Variants in PKHD1 observed in about 807,000 individuals in gnomAD.
The protein encoded by PKHD1 is PKHD1 ciliary IPT domain containing fibrocystin/polyductin, also known as fibrocystin.
PKHD1 carries 291 observed loss-of-function variants against 412.0 expected under a neutral mutation model. The ratio of observed to expected loss-of-function variants is 0.71; its 90% confidence interval spans 0.64 to 0.78. The LOEUF (loss-of-function observed/expected upper bound fraction) is 0.78. PKHD1 is among the 30% of genes least tolerant of loss of function. PKHD1 has a pLI of 0.00. For missense variants in PKHD1, 4,825 were observed against 4,950.7 expected, an observed-to-expected ratio of 0.97 and a Z score of 0.76; for synonymous variants, 1,777 against 1,821.5, an observed-to-expected ratio of 0.98 and a Z score of 0.62.
At chr6:51,951,374 T>C (rs1032699728) in intron 36 of PKHD1, among the ~76,000 whole-genome samples, 1 of 152,132 alleles carries the variant, frequency 6.6e-6, no homozygotes, top group Admixed American at 6.6e-5. Context: ...GTACCAAGCA[T>C]GTAAAAATCC....
intron 50 of PKHD1, among the ~76,000 whole-genome samples, chr6:51,840,293 T>A (rs1769948734): frequency 6.6e-6 from 1 of 152,094 alleles, no homozygotes; most frequent in Non-Finnish European, 1.5e-5. Context: ...TTGGCCCTCA[T>A]AAAACATGAT....
chr6:51,722,382 G>A (rs9474059), intron 60 of PKHD1, among the ~76,000 whole-genome samples: 28,517 of 152,068 alleles, frequency 0.19, 3,011 homozygotes, highest in African/African-American at 0.29. Flanking sequence ...TTATATAAAC[G>A]AAAGTTTGCA....
rs558052883 is a variant in PKHD1, at chr6:51,938,538, T to C, written c.5909-4216A>G. Among the ~76,000 whole-genome samples, 6 of 125,798 alleles carry C rather than the reference T, an allele frequency of 4.8e-5. No homozygotes were observed. The South Asian group carries it at 1.8e-3, about 37-fold the overall frequency. 82.5% of individuals were successfully genotyped at this position (125,798 alleles called of 152,430 possible). ...CAGAGAACAACCCCCCTTTTTCCTT[T>C]ACCTCCCCAAATCTTATAAGATGGC... On this transcript the variant is annotated intron_variant, in intron 36 of 66. Coordinates refer to ENST00000371117, the MANE Select transcript of PKHD1 (RefSeq NM_138694.4).
At chr6:51,835,783 A>G (rs974050282) in intron 51 of PKHD1, among the ~76,000 whole-genome samples, 2 of 152,196 alleles carry the variant, frequency 1.3e-5, no homozygotes, top group African/African-American at 4.8e-5. Flanking sequence ...TCATTTTCTG[A>G]TTAGCATGGG....
At chr6:52,074,678 T>C (rs1362945047) in intron 6 of PKHD1, among the ~76,000 whole-genome samples, 1 of 152,160 alleles carries the variant, frequency 6.6e-6, no homozygotes, top group Non-Finnish European at 1.5e-5. Context: ...GGGGATTCCA[T>C]GTCGTAGTGA....
chr6:51,901,451 A>G (rs1368421170), intron 43 of PKHD1, among the ~76,000 whole-genome samples: 1 of 152,058 alleles, frequency 6.6e-6, no homozygotes, highest in African/African-American at 2.4e-5. Flanking sequence ...ATTCTCACTC[A>G]AAGGTGGGAA....
At chr6:51,939,122 C>T (rs940466428) in intron 36 of PKHD1, among the ~76,000 whole-genome samples, 5 of 151,504 alleles carry the variant, frequency 3.3e-5, no homozygotes, top group African/African-American at 1.2e-4. Context: ...TGGTCCTTCA[C>T]CCTTAGCAGC....
intron 33 of PKHD1, among the ~76,000 whole-genome samples, chr6:52,019,271 A>G (rs1267761625): frequency 6.6e-6 from 1 of 152,230 alleles, no homozygotes; most frequent in African/African-American, 2.4e-5. Context: ...TCCCCGCCTC[A>G]TTACAGTGCT....
chr6:52,048,281 G>A (rs1896982), intron 23 of PKHD1, among the ~76,000 whole-genome samples: 8 of 152,166 alleles, frequency 5.3e-5, no homozygotes, highest in East Asian at 1.9e-4. Context: ...TACATCTTCC[G>A]CATCTACAAA....
At chr6:51,951,500 A>G (rs1470153436) in intron 36 of PKHD1, among the ~76,000 whole-genome samples, 1 of 152,156 alleles carries the variant, frequency 6.6e-6, no homozygotes, top group Non-Finnish European at 1.5e-5. Flanking sequence ...TCTCTAAGCA[A>G]CTTGTTTTTT....
In PKHD1 at chr6:51,659,584, A is replaced by G. The variant is rs1232537845; in HGVS notation, c.10542T>C (p.Phe3514=). 1 of 1,613,672 alleles carries G rather than the reference A, an allele frequency of 6.2e-7. No homozygotes were observed. Among genetic ancestry groups the G allele is most frequent in the Admixed American group, 1.7e-5 (1 of 59,876 alleles). The change falls in exon 61 of 67, where the codon TTT becomes TTC. Residue 3514 remains phenylalanine (F), a synonymous_variant. Coordinates refer to ENST00000371117, the MANE Select transcript of PKHD1 (RefSeq NM_138694.4). ...QSPHVFLGES[F]IPPTLVQSAS... is the part of the protein sequence containing the mutation. ...CTGACTGAACCAGAGTGGGTGGAAT[A>G]AAACTTTCCCCTAAGAAGACGTGGG...
At chr6:51,844,565 G>A (rs1205409833) in intron 50 of PKHD1, among the ~76,000 whole-genome samples, 3 of 152,210 alleles carry the variant, frequency 2.0e-5, no homozygotes, top group Admixed American at 6.5e-5. Flanking sequence ...ACAGCCAGGA[G>A]CTAGAATGCC....
At chr6:51,661,449 GA>G (rs1772855738) in intron 60 of PKHD1, among the ~76,000 whole-genome samples, 1 of 152,082 alleles carries the variant, frequency 6.6e-6, no homozygotes, top group Non-Finnish European at 1.5e-5. Flanking sequence ...TAAAATTGAA[GA>G]GGTGTGTCTG....
At position 52,033,114 on chromosome 6, in the gene PKHD1, C is replaced by T; in HGVS notation, c.3280G>A (p.Ala1094Thr). The change falls in exon 29 of 67, where the codon GCA (alanine) becomes ACA (threonine). Residue 1094 changes from alanine (A) to threonine (T), a missense_variant. Ala to Thr is a moderately conservative substitution (Grantham distance 58). Coordinates refer to ENST00000371117, the MANE Select transcript of PKHD1 (RefSeq NM_138694.4). ...NVTVIRGDYS[A>T]VLPRAFTYVS... ...TATGTAAATGCTCTGGGAAGAACTG[C>T]AGAATAGTCCCCTCTGATCACAGTC... is the stretch of plus-strand genomic sequence containing the variant. 1 of 1,610,572 alleles carries T rather than the reference C, an allele frequency of 6.2e-7. No individual in the cohort carries two copies. Among genetic ancestry groups the T allele is most frequent in the South Asian group, 1.1e-5 (1 of 91,006 alleles).
chr6:51,904,821 A>G (rs1321519), intron 41 of PKHD1, among the ~76,000 whole-genome samples: 58,725 of 152,052 alleles, frequency 0.39, 12,107 homozygotes, highest in East Asian at 0.75. Flanking sequence ...CTGTTAGGAT[A>G]CCTTTCTCAA....
At chr6:51,707,965 C>T (rs1024131655) in intron 60 of PKHD1, among the ~76,000 whole-genome samples, 2 of 152,144 alleles carry the variant, frequency 1.3e-5, no homozygotes, top group African/African-American at 4.8e-5. Flanking sequence ...TCTTATTCTG[C>T]ACACATAATT....
intron 60 of PKHD1, among the ~76,000 whole-genome samples, chr6:51,672,312 A>G (rs781337315): frequency 4.6e-5 from 7 of 152,190 alleles, no homozygotes; most frequent in Non-Finnish European, 8.8e-5. Context: ...AGATTTCAAA[A>G]ATGCTGTAGC....
rs1321289626 is a variant in PKHD1, at chr6:51,875,005, C to T, written c.7351-4366G>A. Among the ~76,000 whole-genome samples the T allele has an allele frequency of 8.4e-5, 5 of 59,326 alleles. 1 individual carries two copies. The highest frequency in any genetic ancestry group is 3.8e-4 in the African/African-American group (5 of 13,214). The allele number at this position is 59,326 out of a possible 152,430, so 38.9% of individuals were successfully genotyped here. ...CCGAGTCAAAGAAAGGGGTGACGGA[C>T]GCACCTGGAAAATCGGGTCACTCCC... On this transcript the variant is annotated intron_variant, in intron 46 of 66. Coordinates refer to ENST00000371117, the MANE Select transcript of PKHD1 (RefSeq NM_138694.4).
chr6:51,761,463 T>C (rs2151063843), intron 55 of PKHD1, among the ~76,000 whole-genome samples: 1 of 152,046 alleles, frequency 6.6e-6, no homozygotes, highest in Non-Finnish European at 1.5e-5. Flanking sequence ...GTTGAAGAAA[T>C]GTTGATAAAA....
Sources: allele counts gnomAD v4.1 joint callset (sites outside exome capture counted in the v4.1 genomes callset), GRCh38; gene constraint gnomAD v4.1.1; transcripts MANE v1.5; gene names NCBI Gene and HGNC (gene_info 2026-07-23, HGNC 2026-07-21).